The following PDE1A variants were observed in gnomAD, a reference collection of about 807,000 sequenced individuals.
PDE1A encodes the protein phosphodiesterase 1A, also known as dual specificity calcium/calmodulin-dependent 3',5'-cyclic nucleotide phosphodiesterase 1A.
In PDE1A, 35 loss-of-function variants were observed where a neutral mutation model predicts 61.7. That is an observed-to-expected ratio of 0.57 (90% CI 0.43 to 0.75). The LOEUF (loss-of-function observed/expected upper bound fraction) is 0.75, where lower values mean the gene tolerates loss of function less well. PDE1A is among the 30% of genes least tolerant of loss of function. The probability of loss-of-function intolerance (pLI) is 0.00; values close to 1 mark genes in which losing one functional copy is unlikely to be tolerated. For synonymous variants in PDE1A, 232 were observed against 213.2 expected, an observed-to-expected ratio of 1.09 and a Z score of -0.77; for missense variants, 597 against 630.6, an observed-to-expected ratio of 0.95 and a Z score of 0.57.
chr2:182,145,723 G>A (rs868335466), downstream of PDE1A, among the ~76,000 whole-genome samples: 10 of 151,692 alleles, frequency 6.6e-5, no homozygotes, highest in South Asian at 8.3e-4. Context: ...AGCGAGACTC[G>A]GTCTCCAAAA....
the PDE1A span, among the ~76,000 whole-genome samples, chr2:182,556,453 G>A: frequency 6.6e-6 from 1 of 152,132 alleles, no homozygotes; most frequent in Non-Finnish European, 1.5e-5. Flanking sequence ...AAATGCACAA[G>A]TGTCTTAAAA....
upstream of PDE1A, among the ~76,000 whole-genome samples, chr2:182,431,866 ATTC>A (rs1253297342): frequency 3.9e-5 from 6 of 152,076 alleles, no homozygotes; most frequent in African/African-American, 1.2e-4. Context: ...GAGAGTTTCT[ATTC>A]TTCTTCTAAC....
At chr2:182,501,373 T>C (rs1169306865) in intron 2 of PDE1A, among the ~76,000 whole-genome samples, 1 of 152,194 alleles carries the variant, frequency 6.6e-6, no homozygotes, top group Non-Finnish European at 1.5e-5. Context: ...ACTGTTTAAG[T>C]GTAACTTCTA....
chr2:182,233,558 TTTAAAA>T (rs1689754519), intron 4 of PDE1A, among the ~76,000 whole-genome samples: 1 of 152,090 alleles, frequency 6.6e-6, no homozygotes, highest in Non-Finnish European at 1.5e-5. Flanking sequence ...AAAACACAAA[TTTAAAA>T]TTAAAAAGGA....
intron 1 of PDE1A, among the ~76,000 whole-genome samples, chr2:182,303,891 C>CTGTT (rs376406865): frequency 3.7e-5 from 3 of 81,892 alleles, no homozygotes; most frequent in African/African-American, 1.3e-4. Context: ...GGCTTCTTTT[C>CTGTT]TGTTTGTTTG....
chr2:182,407,030 G>A (rs1025979601), intron 1 of PDE1A, among the ~76,000 whole-genome samples: 2 of 151,842 alleles, frequency 1.3e-5, no homozygotes, highest in African/African-American at 2.4e-5. Flanking sequence ...TATTTTCCCC[G>A]AGAGTACTTC....
chr2:182,329,811 C>T (rs1333569225), intron 1 of PDE1A, among the ~76,000 whole-genome samples: 2 of 152,170 alleles, frequency 1.3e-5, no homozygotes, highest in Non-Finnish European at 2.9e-5. Flanking sequence ...CTCCACTGGA[C>T]ATATTTTCTA....
the PDE1A span, among the ~76,000 whole-genome samples, chr2:182,547,497 A>G: frequency 6.6e-6 from 1 of 152,220 alleles, no homozygotes; most frequent in Non-Finnish European, 1.5e-5. Flanking sequence ...CGACATCAGA[A>G]TTTACTTCGT....
chr2:182,272,803 G>GA (rs1195338320), intron 1 of PDE1A, among the ~76,000 whole-genome samples: 3 of 152,068 alleles, frequency 2.0e-5, no homozygotes, highest in Non-Finnish European at 4.4e-5. Flanking sequence ...ATATATGTAT[G>GA]AAAAAATACA....
the PDE1A span, among the ~76,000 whole-genome samples, chr2:182,626,848 C>T: frequency 3.7e-3 from 127 of 34,320 alleles, no homozygotes; most frequent in Non-Finnish European, 4.9e-3. Flanking sequence ...CATATATATA[C>T]ATATATATAT....
At chr2:182,200,536 C>G (rs1385636447) in intron 10 of PDE1A, among the ~76,000 whole-genome samples, 2 of 152,158 alleles carry the variant, frequency 1.3e-5, no homozygotes, top group Non-Finnish European at 2.9e-5. Flanking sequence ...CTGGAAATAG[C>G]AAGGAAGCTC....
the PDE1A span, among the ~76,000 whole-genome samples, chr2:182,646,391 CAAA>C: frequency 7.9e-3 from 844 of 107,256 alleles, 13 homozygotes; most frequent in African/African-American, 0.028. Flanking sequence ...GGTGAAGGTT[CAAA>C]AAAAAAAAAA....
the PDE1A span, among the ~76,000 whole-genome samples, chr2:182,572,868 CAAAA>C: frequency 1.9e-5 from 1 of 53,012 alleles, no homozygotes. Context: ...GACTCTGTCT[CAAAA>C]AAAAAAAAAA....
At chr2:182,424,791 G>A (rs1703500909) in intron 1 of PDE1A, among the ~76,000 whole-genome samples, 1 of 152,138 alleles carries the variant, frequency 6.6e-6, no homozygotes, top group South Asian at 2.1e-4. Context: ...AATGCCAACT[G>A]TCAATGTGCC....
At chr2:182,674,186 T>C in the PDE1A span, among the ~76,000 whole-genome samples, 5 of 152,116 alleles carry the variant, frequency 3.3e-5, no homozygotes, top group East Asian at 7.7e-4. Flanking sequence ...CAAAAATCTA[T>C]GTACTAAAAC....
chr2:182,181,995 CA>C (rs1248491226), intron 13 of PDE1A, among the ~76,000 whole-genome samples: 1 of 152,196 alleles, frequency 6.6e-6, no homozygotes, highest in African/African-American at 2.4e-5. Flanking sequence ...GTACATACTA[CA>C]GTATATAAAT....
chr2:182,509,595 C>A (rs945043088), intron 2 of PDE1A, among the ~76,000 whole-genome samples: 2 of 152,152 alleles, frequency 1.3e-5, no homozygotes, highest in African/African-American at 4.8e-5. Context: ...GGTTTAATAT[C>A]CTGGAGGTTC....
intron 2 of PDE1A, among the ~76,000 whole-genome samples, chr2:182,450,762 T>C (rs1292023299): frequency 1.3e-5 from 2 of 151,230 alleles, no homozygotes; most frequent in East Asian, 3.9e-4. Flanking sequence ...AGCTTTTCAC[T>C]ATGTATAAAA....
chr2:182,361,210 T>G (rs1302761760), intron 1 of PDE1A, among the ~76,000 whole-genome samples: 1 of 152,120 alleles, frequency 6.6e-6, no homozygotes, highest in Admixed American at 6.6e-5. Context: ...GATTCTGTTA[T>G]TAACATGATT....
Sources: gnomAD v4.1 joint callset for allele counts (sites outside exome capture counted in the v4.1 genomes callset) on GRCh38, gnomAD v4.1.1 for gene constraint, MANE v1.5 for transcripts, NCBI Gene and HGNC (gene_info 2026-07-23, HGNC 2026-07-21) for gene names.